DOCK8: variants seen among roughly 807,000 people sequenced by gnomAD.
DOCK8 encodes the protein dedicator of cytokinesis protein 8.
DOCK8 carries 141 observed loss-of-function variants against 245.6 expected under a neutral mutation model. The observed-to-expected ratio is 0.57, with a 90% CI of 0.50 to 0.66. The LOEUF (loss-of-function observed/expected upper bound fraction) is 0.66. DOCK8 is among the 30% of genes least tolerant of loss of function. The pLI, the probability that DOCK8 is intolerant of heterozygous loss-of-function variation, is 0.00. For missense variants in DOCK8, 2,965 were observed against 2,603.4 expected, an observed-to-expected ratio of 1.14 and a Z score of -3.02; for synonymous variants, 1,168 against 970.2, an observed-to-expected ratio of 1.20 and a Z score of -3.79.
chr9:246,334 C>T (rs1351201994), intron 1 of DOCK8, among the ~76,000 whole-genome samples: 6 of 152,100 alleles, frequency 3.9e-5, no homozygotes, highest in African/African-American at 1.4e-4. Context: ...GCCTGGGCAA[C>T]ATAGCGTGAC....
chr9:255,798 C>G (rs1484420215), intron 1 of DOCK8, among the ~76,000 whole-genome samples: 2 of 151,282 alleles, frequency 1.3e-5, no homozygotes, highest in African/African-American at 4.9e-5. Context: ...GTAAATTTTG[C>G]TATATTTTAT....
At position 420,487 on chromosome 9, in the gene DOCK8, G is replaced by A; in HGVS notation, c.3927G>A (p.Gln1309=). The part of the protein sequence containing the change: ...CFLWIMKNAD[Q]SLIRKWIADL... ...TCTGGATCATGAAAAATGCTGATCA[G>A]AGCCTCATTAGGAAGTGGATTGCTG... Residue 1309 remains glutamine (Q), a synonymous_variant, in exon 31 of 48, where the codon CAG becomes CAA. Transcript: ENST00000432829. 2.5e-6 allele frequency: 4 copies of A among 1,614,150 alleles called. No individual in the cohort carries two copies. The highest frequency in any genetic ancestry group is 3.4e-6 in the Non-Finnish European group (4 of 1,180,034).
At chr9:407,125 A>G (rs1028865188) in intron 28 of DOCK8, 56 bp downstream of exon 28, 1 of 1,611,492 alleles carries the variant, frequency 6.2e-7, no homozygotes, top group African/African-American at 1.3e-5. Context: ...ATGTTCTTTA[A>G]TAAAATTTGC....
chr9:376,993 A>T lies in DOCK8; in HGVS notation c.2222A>T (p.Lys741Met), dbSNP rs753505087. Reference sequence around the variant, plus strand: ...CCTTCGCAGGACAACCACCTGGAGAAGTTCTTCACCCTCTGCCACTCCCTG... The same window carrying T: ...CCTTCGCAGGACAACCACCTGGAGATGTTCTTCACCCTCTGCCACTCCCTG... ...SVHTQDNHLE[K>M]FFTLCHSLES... Residue 741 changes from lysine (K) to methionine (M), a missense_variant, in exon 20 of 48, where the codon AAG becomes ATG. By Grantham distance (95) the Lys-to-Met change is moderately conservative. Around this residue, in one of 3 missense-constraint regions of DOCK8, gnomAD observed 2,825 missense variants for 2,453.5 expected, o/e 1.15. Transcript: ENST00000432829. The T allele has an allele frequency of 6.2e-7, 1 of 1,614,044 alleles. No homozygotes were observed. The highest frequency in any genetic ancestry group is 1.1e-5 in the South Asian group (1 of 91,068).
At chr9:448,088 GTC>G (rs1369614267) in intron 44 of DOCK8, among the ~76,000 whole-genome samples, 1 of 150,078 alleles carries the variant, frequency 6.7e-6, no homozygotes, top group Non-Finnish European at 1.5e-5. Context: ...CTGTGTCTCT[GTC>G]TCTCTTTCTC....
intron 1 of DOCK8, among the ~76,000 whole-genome samples, chr9:223,730 A>G (rs2046932026): frequency 6.6e-6 from 1 of 152,002 alleles, no homozygotes; most frequent in Non-Finnish European, 1.5e-5. Context: ...ACTTAACAGA[A>G]TTAACATCTG....
At chr9:223,079 C>G (rs978812236) in intron 1 of DOCK8, among the ~76,000 whole-genome samples, 55 of 151,780 alleles carry the variant, frequency 3.6e-4, no homozygotes, top group African/African-American at 1.3e-3. Context: ...GTTTCTGGGG[C>G]TAAAAGGAAA....
At chr9:381,262 T>C (rs757711704) in intron 21 of DOCK8, 1 of 152,230 alleles carries the variant, frequency 6.6e-6, no homozygotes, top group Non-Finnish European at 1.5e-5. Flanking sequence ...TGTCTGCCCA[T>C]TTGATAATCC....
intron 43 of DOCK8, among the ~76,000 whole-genome samples, 198 bp downstream of exon 43, chr9:443,714 C>T (rs565081545): frequency 9.2e-5 from 14 of 152,288 alleles, no homozygotes; most frequent in African/African-American, 3.4e-4. Context: ...ATAGGAGCTA[C>T]CACTTATTAA....
intron 18 of DOCK8, among the ~76,000 whole-genome samples, chr9:375,354 A>T (rs7046539): frequency 0.25 from 37,779 of 152,176 alleles, 4,886 homozygotes; most frequent in Middle Eastern, 0.32. Flanking sequence ...TACGAAGGTA[A>T]TGATATATAA....
rs147010166 is a variant in DOCK8, at chr9:295,247, G to A, written c.404+5666G>A. ...CATTCTGGAAAAGATGAAGCTACAG[G>A]GATGGAAAACAGGTCCATGGTTCCC... On this transcript the variant is annotated intron_variant, in intron 4 of 47. Coordinates refer to ENST00000432829, the MANE Select transcript of DOCK8 (RefSeq NM_203447.4). Among the ~76,000 whole-genome samples, 626 of 152,218 alleles carry A rather than the reference G, an allele frequency of 4.1e-3. 6 individuals are homozygous for A. Among genetic ancestry groups the A allele is most frequent in the African/African-American group, 0.014 (601 of 41,532 alleles).
chr9:406,906 A>C (rs773862778), intron 27 of DOCK8, 24 bp from the exon 28 acceptor site: 2 of 1,614,030 alleles, frequency 1.2e-6, no homozygotes, highest in Non-Finnish European at 1.7e-6. Flanking sequence ...GTGGCTCATA[A>C]AATGGCTCCT....
intron 36 of DOCK8, 22 bp from the exon 37 acceptor site, chr9:432,140 CTTTT>C (rs34439675): frequency 2.2e-4 from 324 of 1,462,886 alleles, no homozygotes; most frequent in East Asian, 7.1e-4. Context: ...TTTACTTCAT[CTTTT>C]TTTTTTTTTT....
chr9:266,447 A>T (rs2048036208), intron 1 of DOCK8, among the ~76,000 whole-genome samples: 1 of 152,164 alleles, frequency 6.6e-6, no homozygotes, highest in South Asian at 2.1e-4. Context: ...TGCTTTATTG[A>T]ACATAAAAAT....
intron 7 of DOCK8, among the ~76,000 whole-genome samples, chr9:318,869 C>A (rs532420665): frequency 3.6e-4 from 55 of 152,334 alleles, no homozygotes; most frequent in African/African-American, 1.3e-3. Context: ...GCGACTATGT[C>A]ATTTGAGATG....
At chr9:218,426 A>G (rs970114761) in intron 1 of DOCK8, among the ~76,000 whole-genome samples, 12 of 152,200 alleles carry the variant, frequency 7.9e-5, no homozygotes, top group African/African-American at 2.2e-4. Context: ...TGTAAGTGCT[A>G]TATACTTGTC....
At chr9:442,119 T>C in intron 42 of DOCK8, 110 bp downstream of exon 42, 1 of 1,485,466 alleles carries the variant, frequency 6.7e-7, no homozygotes, top group African/African-American at 1.4e-5. Context: ...ATCATTGATC[T>C]CTACATAAAG....
intron 44 of DOCK8, 122 bp downstream of exon 44, chr9:446,728 G>A: frequency 6.9e-6 from 6 of 872,312 alleles, no homozygotes; most frequent in Admixed American, 2.0e-5. Flanking sequence ...CTTGAAATAT[G>A]ATTATATGGT....
Position 464,505 on chromosome 9 carries a change from A to C in DOCK8, c.*286A>C, listed in dbSNP as rs1185391336. On this transcript the variant is annotated 3_prime_UTR_variant, in exon 48 of 48. Coordinates refer to ENST00000432829, the MANE Select transcript of DOCK8 (RefSeq NM_203447.4). ...ACAATGTACCAAACAAGGCATAAGC[A>C]GCTTCTCCTGCTGACTGGCCAATCA... 8.0e-6 allele frequency: 4 copies of C among 501,142 alleles called. No individual in the cohort carries two copies. The highest frequency in any genetic ancestry group is 1.5e-5 in the Non-Finnish European group (4 of 275,102). The allele number at this position is 501,142 out of a possible 1,614,324, so 31.0% of individuals were successfully genotyped here.
Sources: gnomAD v4.1 joint callset for allele counts (sites outside exome capture counted in the v4.1 genomes callset) on GRCh38, gnomAD v4.1.1 for gene constraint, gnomAD v4.1.1 regional missense constraint, MANE v1.5 for transcripts, NCBI Gene and HGNC (gene_info 2026-07-23, HGNC 2026-07-21) for gene names.